The following STK32B variants were observed in gnomAD, a reference collection of about 807,000 sequenced individuals.
STK32B encodes the protein serine/threonine kinase 32B, also known as serine/threonine-protein kinase 32B.
In STK32B, 43 loss-of-function variants were observed where a neutral mutation model predicts 52.6. That is an observed-to-expected ratio of 0.82 (90% CI 0.64 to 1.05). The LOEUF is 1.05. Among genes scored for constraint, STK32B ranks in the 50% least tolerant of loss-of-function variants. STK32B has a pLI of 0.00. For synonymous variants in STK32B, 238 were observed against 204.3 expected, an observed-to-expected ratio of 1.17 and a Z score of -1.41; for missense variants, 621 against 534.6, an observed-to-expected ratio of 1.16 and a Z score of -1.59.
intron 4 of STK32B, among the ~76,000 whole-genome samples, chr4:5,344,468 A>G (rs1733312160): frequency 6.6e-6 from 1 of 152,174 alleles, no homozygotes; most frequent in Non-Finnish European, 1.5e-5. Flanking sequence ...TTCAGTACTG[A>G]TGACCCACTC....
At chr4:5,174,579 A>G (rs896354951) in intron 3 of STK32B, among the ~76,000 whole-genome samples, 1 of 152,218 alleles carries the variant, frequency 6.6e-6, no homozygotes, top group Non-Finnish European at 1.5e-5. Context: ...TTGGCGGGAT[A>G]TGAAATTCTG....
At chr4:5,393,741 C>T (rs1736719129) in intron 4 of STK32B, among the ~76,000 whole-genome samples, 1 of 152,132 alleles carries the variant, frequency 6.6e-6, no homozygotes, top group East Asian at 1.9e-4. Context: ...GGCCCCTCCT[C>T]CAACACTGGG....
chr4:5,462,850 G>A (rs1185603375), intron 9 of STK32B, among the ~76,000 whole-genome samples: 1 of 152,184 alleles, frequency 6.6e-6, no homozygotes. Context: ...GGATAAAGTT[G>A]TTCCCAGTTG....
intron 4 of STK32B, among the ~76,000 whole-genome samples, chr4:5,388,847 C>T (rs1416500668): frequency 1.3e-5 from 2 of 152,190 alleles, no homozygotes; most frequent in African/African-American, 4.8e-5. Flanking sequence ...AATCCCAAAA[C>T]CTTTGAAATC....
At chr4:5,338,748 A>G (rs1187634751) in intron 4 of STK32B, among the ~76,000 whole-genome samples, 1 of 151,828 alleles carries the variant, frequency 6.6e-6, no homozygotes, top group Non-Finnish European at 1.5e-5. Context: ...CCTCTGGTAG[A>G]GGTCATCTGC....
At chr4:5,366,355 A>G (rs1051680281) in intron 4 of STK32B, among the ~76,000 whole-genome samples, 1 of 152,218 alleles carries the variant, frequency 6.6e-6, no homozygotes, top group Admixed American at 6.5e-5. Context: ...GGGTTTGACA[A>G]GGAGGAAAAA....
At chr4:5,114,143 C>T (rs1714579631) in intron 1 of STK32B, among the ~76,000 whole-genome samples, 1 of 151,862 alleles carries the variant, frequency 6.6e-6, no homozygotes, top group African/African-American at 2.4e-5. Flanking sequence ...TTCAACCACC[C>T]CCATTCTCTC....
chr4:5,332,818 C>T (rs1179756981), intron 4 of STK32B, among the ~76,000 whole-genome samples: 1 of 152,174 alleles, frequency 6.6e-6, no homozygotes, highest in East Asian at 1.9e-4. Context: ...TCAAAAAGGA[C>T]ATGAACTCAT....
chr4:5,249,489 TCC>T, intron 3 of STK32B, among the ~76,000 whole-genome samples: 1 of 123,000 alleles, frequency 8.1e-6, no homozygotes, highest in Non-Finnish European at 1.7e-5. Context: ...CTTCCTTCCT[TCC>T]TTCCTTCCTT....
At chr4:5,363,118 A>G (rs539585697) in intron 4 of STK32B, among the ~76,000 whole-genome samples, 13 of 152,310 alleles carry the variant, frequency 8.5e-5, no homozygotes, top group Non-Finnish European at 1.9e-4. Flanking sequence ...CCATGTTCTC[A>G]TCATCAATAT....
At chr4:5,311,074 G>T (rs1489779773) in intron 3 of STK32B, among the ~76,000 whole-genome samples, 1 of 152,102 alleles carries the variant, frequency 6.6e-6, no homozygotes, top group Non-Finnish European at 1.5e-5. Flanking sequence ...AGGGAGGATA[G>T]CCAAAGCTTT....
chr4:5,253,941 C>T (rs1012470464), intron 3 of STK32B, among the ~76,000 whole-genome samples: 15 of 152,058 alleles, frequency 9.9e-5, no homozygotes, highest in African/African-American at 1.4e-4. Context: ...TTATAGCCAC[C>T]GTGCGTGGCT....
Position 5,158,274 on chromosome 4 carries a change from G to C in STK32B, c.109-10025G>C, listed in dbSNP as rs186840972. Among the ~76,000 whole-genome samples the C allele has an allele frequency of 2.9e-3, 443 of 152,208 alleles. 8 individuals are homozygous for C. The highest frequency in any genetic ancestry group is 0.02 in the Admixed American group (299 of 15,290). On this transcript the variant is annotated intron_variant, in intron 2 of 11. Transcript: ENST00000282908. The stretch of plus-strand genomic sequence containing the variant: ...AGTGTTTCCCAGCTCCCTTTACCCT[G>C]AGGGCACCAAGGGGGCCAGTGGCAC...
chr4:5,313,392 A>G (rs1342303725), intron 3 of STK32B, among the ~76,000 whole-genome samples: 2 of 152,068 alleles, frequency 1.3e-5, no homozygotes, highest in Admixed American at 1.3e-4. Context: ...TAACTTTTTC[A>G]ATTTATAAGG....
At chr4:5,043,298 C>T in the STK32B span, among the ~76,000 whole-genome samples, 5 of 152,216 alleles carry the variant, frequency 3.3e-5, no homozygotes, top group East Asian at 9.7e-4. Context: ...TGGAAAATTT[C>T]TTTCTGTGGA....
At chr4:5,149,446 T>G (rs549332603) in intron 2 of STK32B, among the ~76,000 whole-genome samples, 1 of 152,032 alleles carries the variant, frequency 6.6e-6, no homozygotes, top group African/African-American at 2.4e-5. Flanking sequence ...GTTGAATATT[T>G]AAAACTATGT....
chr4:5,420,921 CAG>C (rs1233768550), intron 6 of STK32B, among the ~76,000 whole-genome samples: 2 of 151,962 alleles, frequency 1.3e-5, no homozygotes, highest in East Asian at 3.9e-4. Context: ...TTTTTTAAGA[CAG>C]AGTTTCACTC....
At position 5,460,071 on chromosome 4, in the gene STK32B, T is replaced by G; in HGVS notation, c.784-32T>G. On this transcript the variant is annotated intron_variant, in intron 8 of 11. Coordinates refer to ENST00000282908, the MANE Select transcript of STK32B (RefSeq NM_018401.3). This position sits in a 1 kb window ranked among gnomAD's most constrained non-coding sequence, Gnocchi z 4.8. ...CCCGCTAACCTTGAGGGATGCCCAATTCATGGAAACTCATTTGCCCTCTAA... is the reference window on the plus strand; with the variant it reads ...CCCGCTAACCTTGAGGGATGCCCAAGTCATGGAAACTCATTTGCCCTCTAA... 6.2e-7 allele frequency: 1 copy of G among 1,614,156 alleles called. No homozygotes were observed.
intron 3 of STK32B, among the ~76,000 whole-genome samples, chr4:5,263,086 T>A (rs1726831343): frequency 6.6e-6 from 1 of 151,994 alleles, no homozygotes; most frequent in Non-Finnish European, 1.5e-5. Context: ...AGAGCCCTCT[T>A]TCCACTAGAC....
Sources: allele counts gnomAD v4.1 joint callset (sites outside exome capture counted in the v4.1 genomes callset), GRCh38; gene constraint gnomAD v4.1.1; non-coding constraint Gnocchi (gnomAD v3.1); transcripts MANE v1.5; gene names NCBI Gene and HGNC (gene_info 2026-07-23, HGNC 2026-07-21).